Variants in CCDC85A observed in about 807,000 individuals in gnomAD.
CCDC85A encodes the protein coiled-coil domain containing 85A, also known as coiled-coil domain-containing protein 85A.
CCDC85A carries 38 observed loss-of-function variants against 50.2 expected under a neutral mutation model. The ratio of observed to expected loss-of-function variants is 0.76; its 90% CI spans 0.58 to 0.99. The LOEUF is 0.99. CCDC85A is among the 50% of genes least tolerant of loss of function. The probability of loss-of-function intolerance (pLI) is 0.00; values close to 1 mark genes in which losing one functional copy is unlikely to be tolerated. For missense variants in CCDC85A, 820 were observed against 742.0 expected, an observed-to-expected ratio of 1.11 and a Z score of -1.22; for synonymous variants, 366 against 301.4, an observed-to-expected ratio of 1.21 and a Z score of -2.22.
At chr2:56,288,701 C>T (rs1671561434) in intron 2 of CCDC85A, among the ~76,000 whole-genome samples, 1 of 151,964 alleles carries the variant, frequency 6.6e-6, no homozygotes, top group African/African-American at 2.4e-5. Flanking sequence ...CCCCCCCCAC[C>T]CCAAAAATCA....
chr2:56,315,615 A>T (rs772695129), intron 2 of CCDC85A, among the ~76,000 whole-genome samples: 16 of 152,058 alleles, frequency 1.1e-4, no homozygotes, highest in Non-Finnish European at 1.9e-4. Context: ...TATTCCATTG[A>T]GTTAAGGGAA....
At chr2:56,248,120 C>G (rs1029599872) in intron 2 of CCDC85A, among the ~76,000 whole-genome samples, 1 of 152,172 alleles carries the variant, frequency 6.6e-6, no homozygotes, top group South Asian at 2.1e-4. Flanking sequence ...TTCTAGATGT[C>G]TCAATTTCTG....
intron 2 of CCDC85A, among the ~76,000 whole-genome samples, chr2:56,243,766 C>G (rs1249505575): frequency 6.6e-6 from 1 of 152,130 alleles, no homozygotes; most frequent in Non-Finnish European, 1.5e-5. Context: ...TTGTTTGTAC[C>G]TATCCTTCTT....
chr2:56,237,232 T>C (rs193005863), intron 2 of CCDC85A, among the ~76,000 whole-genome samples: 38 of 152,248 alleles, frequency 2.5e-4, no homozygotes, highest in African/African-American at 8.7e-4. Flanking sequence ...AAGTCAGATA[T>C]CCTCTTTAGA....
chr2:56,286,188 C>T (rs540460710), intron 2 of CCDC85A, among the ~76,000 whole-genome samples: 15 of 151,942 alleles, frequency 9.9e-5, no homozygotes, highest in Admixed American at 9.2e-4. Flanking sequence ...ACATTATGTG[C>T]CTAGTTGTAA....
chr2:56,308,485 T>C (rs1421956136), intron 2 of CCDC85A, among the ~76,000 whole-genome samples: 1 of 152,148 alleles, frequency 6.6e-6, no homozygotes, highest in Non-Finnish European at 1.5e-5. Context: ...AAGCTGAAGT[T>C]CAAAATCTGG....
Position 56,184,463 on chromosome 2 carries a change from ACCCAGCGCGACC to A in CCDC85A, c.-158_-147del. The A allele has an allele frequency of 1.3e-6, 1 of 762,980 alleles. No homozygotes were observed. The allele number at this position is 762,980 out of a possible 1,614,324, so 47.3% of individuals were successfully genotyped here. A position where few individuals can be genotyped will look rare whatever the true frequency, so the allele number is the denominator to read the frequency against. ...GCGGGGATGGCGAGGTAGGATGGCC[ACCCAGCGCGACC>A]CCCGCCGCCCCAACCCAGCGGCCCC... On this transcript the variant is annotated 5_prime_UTR_variant, in exon 1 of 6. Transcript: ENST00000407595.
intron 5 of CCDC85A, chr2:56,383,694 A>C (rs1676695063): frequency 1.0e-6 from 1 of 985,022 alleles, no homozygotes; most frequent in South Asian, 4.7e-5. Context: ...AAAGCCAGAG[A>C]AATTTACTAG....
intron 3 of CCDC85A, among the ~76,000 whole-genome samples, chr2:56,371,539 C>A (rs1676072621): frequency 6.6e-6 from 1 of 151,710 alleles, no homozygotes; most frequent in Non-Finnish European, 1.5e-5. Context: ...TTTCTTATTC[C>A]TTGGGACATT....
At chr2:56,361,001 C>T (rs1426211148) in intron 3 of CCDC85A, among the ~76,000 whole-genome samples, 3 of 152,194 alleles carry the variant, frequency 2.0e-5, no homozygotes, top group Non-Finnish European at 4.4e-5. Flanking sequence ...CGCCTGTAAT[C>T]CCAGCACTTT....
At chr2:56,323,243 T>G (rs6718145) in intron 2 of CCDC85A, among the ~76,000 whole-genome samples, 6,089 of 152,182 alleles carry the variant, frequency 0.04, 411 homozygotes, top group African/African-American at 0.14. Context: ...TGTATACATA[T>G]GTAACAAACC....
intron 2 of CCDC85A, among the ~76,000 whole-genome samples, chr2:56,313,903 T>TTTGGTTGGACTCAGCAGAAGCTATAA (rs1672805053): frequency 6.6e-6 from 1 of 151,844 alleles, no homozygotes; most frequent in African/African-American, 2.4e-5. Context: ...GGGCTGGGCC[T>TTTGGTTGGACTCAGCAGAAGCTATAA]GGCCTGTTCA....
Position 56,193,424 on chromosome 2 carries a change from C to T in CCDC85A, c.1224C>T (p.Val408=). ...ACGGGTCACCCCATCACCGGAATGTCTACAGTGGCATGAACGGTGGGTCAG... is the reference window on the plus strand; with the variant it reads ...ACGGGTCACCCCATCACCGGAATGTTTACAGTGGCATGAACGGTGGGTCAG... ...QEDGSPHHRN[V]YSGMNESTLS... The change falls in exon 2 of 6, where the codon GTC becomes GTT. Residue 408 remains valine, a synonymous_variant. Coordinates refer to ENST00000407595, the MANE Select transcript of CCDC85A (RefSeq NM_001080433.2). The T allele has an allele frequency of 6.2e-7, 1 of 1,607,452 alleles. No homozygotes were observed. The highest frequency in any genetic ancestry group is 8.5e-7 in the Non-Finnish European group (1 of 1,177,066).
chr2:56,188,162 C>G (rs1411569284), intron 1 of CCDC85A, among the ~76,000 whole-genome samples: 1 of 152,092 alleles, frequency 6.6e-6, no homozygotes, highest in Admixed American at 6.6e-5. Context: ...AAAAGGACAC[C>G]TAGTGTTTTG....
intron 2 of CCDC85A, among the ~76,000 whole-genome samples, chr2:56,287,331 G>A (rs1326028174): frequency 1.3e-5 from 2 of 152,168 alleles, no homozygotes; most frequent in East Asian, 1.9e-4. Flanking sequence ...CATCTCCTCA[G>A]TTCAGGGACA....
chr2:56,209,720 T>A (rs943852880), intron 2 of CCDC85A, among the ~76,000 whole-genome samples: 2 of 152,112 alleles, frequency 1.3e-5, no homozygotes, highest in African/African-American at 4.8e-5. Context: ...CAAAATACAG[T>A]GTAAGGGAAG....
intron 2 of CCDC85A, among the ~76,000 whole-genome samples, chr2:56,322,552 A>G (rs1673257523): frequency 6.6e-6 from 1 of 152,232 alleles, no homozygotes; most frequent in Non-Finnish European, 1.5e-5. Flanking sequence ...AATGCTCATC[A>G]TCACGGGCCA....
chr2:56,376,673 GA>G (rs1381375761), intron 5 of CCDC85A, among the ~76,000 whole-genome samples: 1 of 152,120 alleles, frequency 6.6e-6, no homozygotes, highest in African/African-American at 2.4e-5. Flanking sequence ...TCTCAAAGAA[GA>G]AACTAACACA....
rs1670003484 is a variant in CCDC85A, at chr2:56,256,810, GC to G, written c.1240+63373del. ...TCAGAAGTTGTGAAAAGTCTGAACA[GC>G]CCTGCAGACTCGTCTGAAAAGATTA... On this transcript the variant is annotated intron_variant, in intron 2 of 5. Coordinates refer to ENST00000407595, the MANE Select transcript of CCDC85A (RefSeq NM_001080433.2). 3.3e-5 allele frequency among the ~76,000 whole-genome samples: 5 copies of G among 152,354 alleles called. No homozygotes were observed. The South Asian group carries it at 8.3e-4, about 25-fold the overall frequency.
Sources: gnomAD v4.1 joint callset for allele counts (sites outside exome capture counted in the v4.1 genomes callset) on GRCh38, gnomAD v4.1.1 for gene constraint, MANE v1.5 for transcripts, NCBI Gene and HGNC (gene_info 2026-07-23, HGNC 2026-07-21) for gene names.